TBC1D16: variants seen among roughly 807,000 people sequenced by gnomAD.
The protein encoded by TBC1D16 is CTD-2529O21.1.
A neutral mutation model predicts 74.7 loss-of-function variants in TBC1D16; 58 were observed. The ratio of observed to expected loss-of-function variants is 0.78; its 90% CI spans 0.63 to 0.97. The LOEUF (loss-of-function observed/expected upper bound fraction) is 0.97, where lower values mean the gene tolerates loss of function less well. Among genes scored for constraint, TBC1D16 ranks in the 50% least tolerant of loss-of-function variants. TBC1D16 has a pLI of 0.00. For missense variants in TBC1D16, 1,014 were observed against 1,079.5 expected, an observed-to-expected ratio of 0.94 and a Z score of 0.85; for synonymous variants, 493 against 474.7, an observed-to-expected ratio of 1.04 and a Z score of -0.50.
At position 80,023,045 on chromosome 17, in the gene TBC1D16, C is replaced by T. The variant is rs145129632; in HGVS notation, c.-62-9436G>A. On this transcript the variant is annotated intron_variant, in intron 1 of 11. Transcript: ENST00000310924. ...TCATGGTCCACACCCTCTCAGCTGC[C>T]GCAACGCTGCACATGTGACAAACAC... Among the ~76,000 whole-genome samples, 49 of 150,216 alleles carry T rather than the reference C, an allele frequency of 3.3e-4. No individual in the cohort carries two copies. The East Asian group carries it at 8.3e-3, about 25-fold the overall frequency.
At position 80,025,502 on chromosome 17, in the gene TBC1D16, C is replaced by T. The variant is rs562482961; in HGVS notation, c.-63+10293G>A. ...TCTGAGGGCTGAATAAGGGGCCTGG[C>T]AAATGCCCCCGGAGAGCCCTGGAGA... is the stretch of plus-strand genomic sequence containing the variant. On this transcript the variant is annotated intron_variant, in intron 1 of 11. Coordinates refer to ENST00000310924, the MANE Select transcript of TBC1D16 (RefSeq NM_019020.4). Among the ~76,000 whole-genome samples the T allele has an allele frequency of 1.3e-4, 19 of 150,048 alleles. 1 individual carries two copies. In the South Asian group the frequency reaches 3.6e-3, roughly 29 times the overall value.
intron 1 of TBC1D16, among the ~76,000 whole-genome samples, chr17:80,033,998 T>C (rs2036858556): frequency 6.6e-6 from 1 of 152,188 alleles, no homozygotes; most frequent in Non-Finnish European, 1.5e-5. Context: ...CCTAATTCTG[T>C]CACTCCTAAC....
intron 3 of TBC1D16, among the ~76,000 whole-genome samples, chr17:79,977,220 T>A (rs2034367380): frequency 6.6e-6 from 1 of 152,066 alleles, no homozygotes; most frequent in Non-Finnish European, 1.5e-5. Context: ...CCACCCTCAG[T>A]AAGCGAAGAG....
chr17:80,005,953 G>A (rs2035657662), intron 3 of TBC1D16, among the ~76,000 whole-genome samples: 1 of 152,140 alleles, frequency 6.6e-6, no homozygotes, highest in Admixed American at 6.5e-5. Context: ...CAGACACGCA[G>A]CCTGCACATG....
chr17:79,986,318 C>T lies in TBC1D16; in HGVS notation c.779+23842G>A, dbSNP rs1028148874. On this transcript the variant is annotated intron_variant, in intron 3 of 11. Transcript: ENST00000310924. The surrounding 1 kb of genome is among the most constrained non-coding windows in gnomAD (Gnocchi z 6.0). ...CAGGTCTATATCCCAAGGCCACGTT[C>T]GCTTCATAAACGCAAGGTGATCTCT... Among the ~76,000 whole-genome samples the T allele has an allele frequency of 2.9e-4, 44 of 152,210 alleles. No individual in the cohort carries two copies. The highest frequency in any genetic ancestry group is 1.0e-3 in the African/African-American group (42 of 41,450).
intron 2 of TBC1D16, among the ~76,000 whole-genome samples, chr17:80,012,325 C>T (rs1400389145): frequency 6.6e-6 from 1 of 152,158 alleles, no homozygotes; most frequent in Non-Finnish European, 1.5e-5. Context: ...AGGCAACCTC[C>T]GGGTCGAGGG....
intron 2 of TBC1D16, among the ~76,000 whole-genome samples, chr17:80,011,322 C>G (rs1404475811): frequency 6.6e-6 from 1 of 151,492 alleles, no homozygotes; most frequent in Non-Finnish European, 1.5e-5. Flanking sequence ...GCTAGGATTA[C>G]AGGCGATGAG....
At position 79,941,924 on chromosome 17, in the gene TBC1D16, C is replaced by T; in HGVS notation, c.2055+136G>A. On this transcript the variant is annotated intron_variant, in intron 11 of 11. Transcript: ENST00000310924. The surrounding 1 kb of genome is among the most constrained non-coding windows in gnomAD (Gnocchi z 4.3). ...TGCTATGGGTGGGGGAGGGCACGTG[C>T]TGGGGGGCCATGGTGGGGATGGGGC... 1 of 754,048 alleles carries T rather than the reference C, an allele frequency of 1.3e-6. No homozygotes were observed. The highest frequency in any genetic ancestry group is 1.7e-5 in the South Asian group (1 of 57,594). The allele number at this position is 754,048 out of a possible 1,614,324, so 46.7% of individuals were successfully genotyped here.
intron 3 of TBC1D16, among the ~76,000 whole-genome samples, chr17:79,977,224 C>T (rs59652033): frequency 0.35 from 53,200 of 151,960 alleles, 9,599 homozygotes; most frequent in Admixed American, 0.49. Flanking sequence ...CCTCAGTAAG[C>T]GAAGAGAAGG....
chr17:80,024,375 A>ATAC (rs2036415520), intron 1 of TBC1D16, among the ~76,000 whole-genome samples: 1 of 149,516 alleles, frequency 6.7e-6, no homozygotes, highest in Non-Finnish European at 1.5e-5. Context: ...CACCACAGAC[A>ATAC]CACACACCAT....
intron 3 of TBC1D16, among the ~76,000 whole-genome samples, chr17:79,959,721 G>C (rs548791961): frequency 1.3e-5 from 2 of 152,028 alleles, no homozygotes; most frequent in African/African-American, 4.8e-5. Flanking sequence ...AACTCAAAAC[G>C]GATCACGGAC....
intron 9 of TBC1D16, among the ~76,000 whole-genome samples, chr17:79,947,416 G>A (rs956321020): frequency 2.0e-5 from 3 of 152,146 alleles, no homozygotes; most frequent in Non-Finnish European, 2.9e-5. Context: ...CCACCAGAGC[G>A]GCCCACACAA....
rs143422276 is a variant in TBC1D16 at position 80,014,901 on chromosome 17, C to A, written c.-62-1292G>T. ...TGAGGACACATTCATGTGGGTAAGA[C>A]GACCTGGGACGTATGAAATGTATAT... On this transcript the variant is annotated intron_variant, in intron 1 of 11. Transcript: ENST00000310924. Among the ~76,000 whole-genome samples, 552 of 152,244 alleles carry A rather than the reference C, an allele frequency of 3.6e-3. 2 individuals are homozygous for A. The highest frequency in any genetic ancestry group is 4.7e-3 in the Non-Finnish European group (317 of 68,014).
intron 5 of TBC1D16, 98 bp downstream of exon 5, chr17:79,951,352 C>T: frequency 6.9e-7 from 1 of 1,447,390 alleles, no homozygotes; most frequent in Non-Finnish European, 9.3e-7. Flanking sequence ...GCCCCCGGGG[C>T]CCGGGGACCC....
intron 4 of TBC1D16, 34 bp from the exon 5 acceptor site, chr17:79,951,631 C>G: frequency 6.2e-7 from 1 of 1,601,690 alleles, no homozygotes; most frequent in Non-Finnish European, 8.5e-7. Flanking sequence ...GAGGGAAGCC[C>G]GATGAATATG....
At chr17:79,999,835 G>A (rs1349237007) in intron 3 of TBC1D16, among the ~76,000 whole-genome samples, 2 of 152,010 alleles carry the variant, frequency 1.3e-5, no homozygotes, top group African/African-American at 4.8e-5. Context: ...TGAGCCACCA[G>A]GCCTGGCCAC....
At chr17:80,030,954 G>A (rs1348927403) in intron 1 of TBC1D16, among the ~76,000 whole-genome samples, 2 of 152,204 alleles carry the variant, frequency 1.3e-5, no homozygotes, top group African/African-American at 2.4e-5. Context: ...GGGAAACAGC[G>A]ACACCTTATT....
In TBC1D16 at chr17:79,944,711, G is replaced by A. The variant is rs189144128; in HGVS notation, c.1908+197C>T. On this transcript the variant is annotated intron_variant, in intron 10 of 11. Coordinates refer to ENST00000310924, the MANE Select transcript of TBC1D16 (RefSeq NM_019020.4). This position sits in a 1 kb window ranked among gnomAD's most constrained non-coding sequence, Gnocchi z 7.7. ...GTGCAGTCAGCGGGCAATTTGCATC[G>A]ATTTCAGTGACTGGGGAGGCGAGCT... 3.3e-5 allele frequency among the ~76,000 whole-genome samples: 5 copies of A among 152,318 alleles called. No individual in the cohort carries two copies. Among genetic ancestry groups the A allele is most frequent in the Non-Finnish European group, 5.9e-5 (4 of 68,028 alleles).
At chr17:79,942,822 C>T (rs904689254) in intron 10 of TBC1D16, among the ~76,000 whole-genome samples, 3 of 152,314 alleles carry the variant, frequency 2.0e-5, no homozygotes, top group East Asian at 3.9e-4. Flanking sequence ...CTGAAATGAT[C>T]GCCCTGTCCT....
Sources: gnomAD v4.1 joint callset for allele counts (sites outside exome capture counted in the v4.1 genomes callset) on GRCh38, gnomAD v4.1.1 for gene constraint, Gnocchi (gnomAD v3.1) non-coding constraint, MANE v1.5 for transcripts, NCBI Gene and HGNC (gene_info 2026-07-23, HGNC 2026-07-21) for gene names.